PALS1: variants seen among roughly 807,000 people sequenced by gnomAD.
PALS1 encodes the protein protein associated with LIN7 1, MAGUK p55 family member, also known as protein PALS1.
Under a neutral mutation model 78.9 loss-of-function variants are expected in PALS1, and 31 were observed. The ratio of observed to expected loss-of-function variants is 0.39; its 90% CI spans 0.30 to 0.53. The LOEUF (loss-of-function observed/expected upper bound fraction) is 0.53, where lower values mean the gene tolerates loss of function less well. PALS1 is among the 20% of genes least tolerant of loss of function. The probability of loss-of-function intolerance (pLI) is 0.67; values close to 1 mark genes in which losing one functional copy is unlikely to be tolerated. For missense variants in PALS1, 704 were observed against 826.5 expected, an observed-to-expected ratio of 0.85 and a Z score of 1.82; for synonymous variants, 276 against 270.9, an observed-to-expected ratio of 1.02 and a Z score of -0.18.
intron 3 of PALS1, chr14:67,279,949 T>A (rs999174235): frequency 3.7e-5 from 6 of 162,212 alleles, no homozygotes; most frequent in South Asian, 2.0e-4. Context: ...TTGATTTTTT[T>A]AAATTAATGA....
chr14:67,246,812 C>T (rs2083995369), intron 1 of PALS1, among the ~76,000 whole-genome samples: 1 of 152,060 alleles, frequency 6.6e-6, no homozygotes, highest in African/African-American at 2.4e-5. Context: ...CCACCACGCC[C>T]AGCTAATTTT....
rs138606419 is a variant in PALS1, at chr14:67,261,768, G to GT, written c.-236-7925dup. ...TTGCCTTCGCTGCTTGGTAAACTGAGTTTTTTTTAGGTACTTTGAGCAATA... is the reference window on the plus strand; with the variant it reads ...TTGCCTTCGCTGCTTGGTAAACTGAGTTTTTTTTTAGGTACTTTGAGCAATA... On this transcript the variant is annotated intron_variant, in intron 1 of 14. Transcript: ENST00000261681. Among the ~76,000 whole-genome samples, 8 of 151,598 alleles carry GT rather than the reference G, an allele frequency of 5.3e-5. No homozygotes were observed. The East Asian group carries it at 1.2e-3, about 22-fold the overall frequency.
chr14:67,274,568 T>C (rs2084466717), intron 2 of PALS1, among the ~76,000 whole-genome samples: 1 of 152,244 alleles, frequency 6.6e-6, no homozygotes, highest in South Asian at 2.1e-4. Context: ...TGCCTTCAGC[T>C]TTATTCTTTT....
intron 1 of PALS1, among the ~76,000 whole-genome samples, chr14:67,263,776 T>C (rs1198010872): frequency 1.3e-5 from 2 of 152,238 alleles, no homozygotes; most frequent in Non-Finnish European, 2.9e-5. Flanking sequence ...GTTGGCACTG[T>C]GCCTAGCAAG....
chr14:67,301,834 C>T lies in PALS1; in HGVS notation c.655-138C>T. On this transcript the variant is annotated intron_variant, in intron 5 of 14. Coordinates refer to ENST00000261681, the MANE Select transcript of PALS1 (RefSeq NM_022474.4). The stretch of plus-strand genomic sequence containing the variant: ...GAGTATGCCCTTAGTATACTTAACA[C>T]ATCTTTATTATTAGCTCTAATTAAT... 4 of 998,636 alleles carry T rather than the reference C, an allele frequency of 4.0e-6. No individual in the cohort carries two copies. In the South Asian group the frequency reaches 6.7e-5, roughly 17 times the overall value. The allele number at this position is 998,636 out of a possible 1,614,324, so 61.9% of individuals were successfully genotyped here.
At chr14:67,278,554 A>G (rs2084547048) in intron 2 of PALS1, among the ~76,000 whole-genome samples, 1 of 152,202 alleles carries the variant, frequency 6.6e-6, no homozygotes, top group South Asian at 2.1e-4. Context: ...GCTATATGCC[A>G]AATCAGTTGA....
intron 8 of PALS1, among the ~76,000 whole-genome samples, chr14:67,308,205 C>A (rs2085034631): frequency 6.7e-6 from 1 of 149,788 alleles, no homozygotes; most frequent in Non-Finnish European, 1.5e-5. Context: ...TGTAACAAAC[C>A]TGCAGTTGGA....
intron 1 of PALS1, among the ~76,000 whole-genome samples, chr14:67,268,528 A>G (rs112825525): frequency 0.012 from 1,816 of 152,286 alleles, 37 homozygotes; most frequent in African/African-American, 0.041. Flanking sequence ...GGATTCATGA[A>G]TTTTCCGGGG....
At position 67,241,490 on chromosome 14, in the gene PALS1, A is replaced by T. The variant is rs2083902657; in HGVS notation, c.-280A>T. ...GAGGGCTGTCGCTTCTGCAGTGCGTAGGAGCGGCCGGGGCGGGAGGCTCCG... is the reference window on the plus strand; with the variant it reads ...GAGGGCTGTCGCTTCTGCAGTGCGTTGGAGCGGCCGGGGCGGGAGGCTCCG... On this transcript the variant is annotated 5_prime_UTR_variant, in exon 1 of 15. Coordinates refer to ENST00000261681, the MANE Select transcript of PALS1 (RefSeq NM_022474.4). The T allele has an allele frequency of 6.6e-6, 1 of 152,450 alleles. No individual in the cohort carries two copies. Among genetic ancestry groups the T allele is most frequent in the Non-Finnish European group, 1.4e-5 (1 of 69,058 alleles). The allele number at this position is 152,450 out of a possible 1,614,324, so 9.4% of individuals were successfully genotyped here.
intron 5 of PALS1, among the ~76,000 whole-genome samples, 196 bp downstream of exon 5, chr14:67,301,662 C>A (rs1157880635): frequency 6.6e-6 from 1 of 152,030 alleles, no homozygotes; most frequent in Admixed American, 6.6e-5. Flanking sequence ...ATTTTTGAAA[C>A]AACTTTTTCT....
chr14:67,257,100 GC>G (rs1595564451), intron 1 of PALS1, among the ~76,000 whole-genome samples: 1 of 152,124 alleles, frequency 6.6e-6, no homozygotes, highest in East Asian at 1.9e-4. Context: ...TGAGGCGGGG[GC>G]TTTCAGTTGA....
intron 1 of PALS1, among the ~76,000 whole-genome samples, chr14:67,243,085 A>G (rs578021328): frequency 5.9e-5 from 9 of 152,308 alleles, no homozygotes; most frequent in Admixed American, 2.6e-4. Flanking sequence ...TCAATTTTAT[A>G]TATTATTTAC....
intron 1 of PALS1, among the ~76,000 whole-genome samples, chr14:67,249,493 T>G (rs943319504): frequency 6.6e-6 from 1 of 152,252 alleles, no homozygotes; most frequent in African/African-American, 2.4e-5. Flanking sequence ...AAATATTCAC[T>G]TATTCACTTT....
chr14:67,246,586 C>A (rs2083990855), intron 1 of PALS1, among the ~76,000 whole-genome samples: 1 of 151,986 alleles, frequency 6.6e-6, no homozygotes, highest in Non-Finnish European at 1.5e-5. Context: ...AGGGATCCTT[C>A]CACCTCAACC....
At chr14:67,242,995 CAG>C (rs1476765432) in intron 1 of PALS1, among the ~76,000 whole-genome samples, 9 of 152,122 alleles carry the variant, frequency 5.9e-5, no homozygotes, top group Non-Finnish European at 1.0e-4. Flanking sequence ...AATCTCATCA[CAG>C]GGGCACGTGT....
At position 67,306,396 on chromosome 14, in the gene PALS1, GTAC is replaced by G. The variant is rs1454725268; in HGVS notation, c.1041+2798_1041+2800del. 5.3e-5 allele frequency among the ~76,000 whole-genome samples: 8 copies of G among 152,162 alleles called. No homozygotes were observed. The East Asian group carries it at 1.5e-3, about 29-fold the overall frequency. On this transcript the variant is annotated intron_variant, in intron 8 of 14. Coordinates refer to ENST00000261681, the MANE Select transcript of PALS1 (RefSeq NM_022474.4). ...GTCTTGCTCTGTCGCCCAGGCTGGA[GTAC>G]AGTGGTGCGATCTTGGCTCACTGTA...
intron 4 of PALS1, among the ~76,000 whole-genome samples, chr14:67,299,977 G>A (rs1299991951): frequency 6.6e-6 from 1 of 152,116 alleles, no homozygotes; most frequent in Non-Finnish European, 1.5e-5. Context: ...AACTTTAAAA[G>A]GGAAAATACC....
intron 14 of PALS1, among the ~76,000 whole-genome samples, chr14:67,325,647 T>A (rs1346291584): frequency 5.9e-5 from 9 of 152,194 alleles, no homozygotes; most frequent in Non-Finnish European, 1.3e-4. Context: ...AGGAAAAGGA[T>A]GCGCACTAAG....
At chr14:67,294,761 C>T (rs921566660) in intron 4 of PALS1, 2 of 152,270 alleles carry the variant, frequency 1.3e-5, no homozygotes, top group African/African-American at 4.8e-5. Flanking sequence ...CAAGCTCTGC[C>T]TCCTGGGTTC....
Sources: allele counts gnomAD v4.1 joint callset (sites outside exome capture counted in the v4.1 genomes callset), GRCh38; gene constraint gnomAD v4.1.1; transcripts MANE v1.5; gene names NCBI Gene and HGNC (gene_info 2026-07-23, HGNC 2026-07-21).